Variants in AQR observed in about 807,000 individuals in gnomAD.
The protein encoded by AQR is RNA helicase aquarius.
AQR carries 61 observed loss-of-function variants against 180.5 expected under a neutral mutation model. The ratio of observed to expected loss-of-function variants is 0.34; its 90% CI spans 0.28 to 0.42. The LOEUF is 0.42. Ranked by LOEUF, AQR falls within the 10% of genes least tolerant of loss-of-function variation. AQR has a pLI of 1.00. For missense variants in AQR, 1,281 were observed against 1,798.3 expected, an observed-to-expected ratio of 0.71 and a Z score of 5.20; for synonymous variants, 551 against 588.8, an observed-to-expected ratio of 0.94 and a Z score of 0.93.
chr15:34,897,992 C>T (rs1363898134), intron 20 of AQR, among the ~76,000 whole-genome samples: 7 of 152,210 alleles, frequency 4.6e-5, no homozygotes, highest in Non-Finnish European at 1.0e-4. Context: ...TATTCATTGT[C>T]TGTCCTTCAT....
intron 30 of AQR, 72 bp from the exon 31 acceptor site, chr15:34,870,994 C>G (rs2140461598): frequency 6.8e-7 from 1 of 1,476,534 alleles, no homozygotes; most frequent in African/African-American, 1.4e-5. Context: ...AATATCTCAT[C>G]TAGATAAGCA....
At chr15:34,964,050 GTTTCTATGTCTTCCAAA>G (rs1253708643) in intron 2 of AQR, among the ~76,000 whole-genome samples, 167 bp downstream of exon 2, 10 of 152,216 alleles carry the variant, frequency 6.6e-5, no homozygotes, top group Admixed American at 1.3e-4. Context: ...CTTATGTGTA[GTTTCTATGTCTTCCAAA>G]TTTCCTAACA....
intron 22 of AQR, among the ~76,000 whole-genome samples, chr15:34,895,119 G>A (rs1258825301): frequency 1.6e-5 from 2 of 122,018 alleles, no homozygotes; most frequent in Non-Finnish European, 3.2e-5. Flanking sequence ...CTAAGATGGT[G>A]CCACTACACT....
chr15:34,892,437 GA>G (rs1893164421), intron 23 of AQR, among the ~76,000 whole-genome samples: 1 of 152,092 alleles, frequency 6.6e-6, no homozygotes, highest in South Asian at 2.1e-4. Flanking sequence ...AGTGTAGAAG[GA>G]AAAAATAGCA....
In AQR at chr15:34,938,727, A is replaced by C; in HGVS notation, c.718+10T>G. 6.9e-7 allele frequency: 1 copy of C among 1,445,686 alleles called. No homozygotes were observed. The highest frequency in any genetic ancestry group is 1.2e-5 in the South Asian group (1 of 84,730). 89.6% of individuals were successfully genotyped at this position (1,445,686 alleles called of 1,614,324 possible). ...AATTTCACAAATGCACTGAGTAAAA[A>C]AGAAGATACCAGAAAGTGGGACTGA... On this transcript the variant is annotated intron_variant, in intron 9 of 34. Coordinates refer to ENST00000156471, the MANE Select transcript of AQR (RefSeq NM_014691.3).
chr15:34,952,028 T>C (rs570315981), intron 4 of AQR, among the ~76,000 whole-genome samples: 1 of 152,344 alleles, frequency 6.6e-6, no homozygotes, highest in African/African-American at 2.4e-5. Flanking sequence ...ATAATAAATT[T>C]CAATTTCCCT....
At position 34,915,188 on chromosome 15, in the gene AQR, G is replaced by GA. The variant is rs766778287; in HGVS notation, c.1343-10dup. 2 of 1,561,114 alleles carry GA rather than the reference G, an allele frequency of 1.3e-6. No individual in the cohort carries two copies. The highest frequency in any genetic ancestry group is 1.7e-6 in the Non-Finnish European group (2 of 1,161,794). On this transcript the variant is annotated splice_polypyrimidine_tract_variant and intron_variant, in intron 15 of 34. Coordinates refer to ENST00000156471, the MANE Select transcript of AQR (RefSeq NM_014691.3). ...GGGAAGAGCAAGACAACCTGAAAAG[G>GA]AAAAAAACATCCATATTTCAATTTT...
At chr15:34,862,131 T>G (rs566101920) in intron 33 of AQR, among the ~76,000 whole-genome samples, 1 of 152,252 alleles carries the variant, frequency 6.6e-6, no homozygotes, top group South Asian at 2.1e-4. Flanking sequence ...GAAGGGGAGA[T>G]AAGAGGGAGT....
intron 11 of AQR, among the ~76,000 whole-genome samples, chr15:34,931,815 T>TAAACA (rs1446941779): frequency 3.9e-5 from 6 of 152,066 alleles, no homozygotes; most frequent in Admixed American, 2.6e-4. Flanking sequence ...TGTGTCTCCA[T>TAAACA]AAACAAAACA....
intron 8 of AQR, among the ~76,000 whole-genome samples, chr15:34,940,625 G>C (rs1894009181): frequency 6.6e-6 from 1 of 152,172 alleles, no homozygotes; most frequent in Non-Finnish European, 1.5e-5. Context: ...CCATCCATGA[G>C]GGAGACGGAC....
chr15:34,897,234 T>A (rs1042781852), intron 21 of AQR, among the ~76,000 whole-genome samples: 10 of 152,176 alleles, frequency 6.6e-5, no homozygotes, highest in Non-Finnish European at 1.0e-4. Flanking sequence ...ATAATGCCAA[T>A]TTACTAGTTA....
chr15:34,919,389 C>T lies in AQR; in HGVS notation c.1221+943G>A, dbSNP rs563871959. Among the ~76,000 whole-genome samples, 4 of 152,050 alleles carry T rather than the reference C, an allele frequency of 2.6e-5. No homozygotes were observed. The South Asian group carries it at 8.3e-4, about 32-fold the overall frequency. On this transcript the variant is annotated intron_variant, in intron 14 of 34. Transcript: ENST00000156471. ...TATCTAAACAATATGTATGTTTTAACTTTTTGATCATAAATTGAATAGTAG... is the reference window on the plus strand; with the variant it reads ...TATCTAAACAATATGTATGTTTTAATTTTTTGATCATAAATTGAATAGTAG...
chr15:34,867,236 G>A (rs768924013), intron 32 of AQR, among the ~76,000 whole-genome samples: 1 of 152,104 alleles, frequency 6.6e-6, no homozygotes, highest in South Asian at 2.1e-4. Flanking sequence ...CTGATATTAA[G>A]TTTCTAACAG....
chr15:34,961,208 T>C (rs1394807701), intron 2 of AQR, among the ~76,000 whole-genome samples: 1 of 152,112 alleles, frequency 6.6e-6, no homozygotes, highest in Non-Finnish European at 1.5e-5. Flanking sequence ...TGTGAAGACA[T>C]AACAGACACA....
rs1021439237 is a variant in AQR, at chr15:34,932,350, G to A, written c.868C>T (p.Arg290Cys). 3.1e-5 allele frequency: 50 copies of A among 1,613,438 alleles called. No homozygotes were observed. The highest frequency in any genetic ancestry group is 3.9e-5 in the Non-Finnish European group (46 of 1,179,626). ...LVHCYLSNLV[R>C]REEDGHLFSQ... ...AAAAGATGGCCATCCTCTTCTCTAC[G>A]AACAAGATTGGAAAGGTAACAGTGA... Residue 290 changes from arginine to cysteine, a missense_variant, in exon 11 of 35, where the codon CGT (arginine) becomes TGT (cysteine). Arg to Cys is a radical substitution (Grantham distance 180). Coordinates refer to ENST00000156471, the MANE Select transcript of AQR (RefSeq NM_014691.3).
intron 32 of AQR, among the ~76,000 whole-genome samples, chr15:34,866,881 T>C (rs1595780618): frequency 6.6e-6 from 1 of 152,124 alleles, no homozygotes; most frequent in Non-Finnish European, 1.5e-5. Flanking sequence ...AATGACAACA[T>C]TATGAGAGCT....
chr15:34,905,196 T>C (rs2140478447), intron 18 of AQR, among the ~76,000 whole-genome samples: 1 of 152,058 alleles, frequency 6.6e-6, no homozygotes, highest in East Asian at 1.9e-4. Context: ...TTCTCCTATT[T>C]CCTCTCATTC....
chr15:34,857,122 AAAAC>A lies in AQR; in HGVS notation c.4144-20_4144-17del, dbSNP rs756556527. On this transcript the variant is annotated splice_polypyrimidine_tract_variant and intron_variant, in intron 34 of 34. Coordinates refer to ENST00000156471, the MANE Select transcript of AQR (RefSeq NM_014691.3). The stretch of plus-strand genomic sequence containing the variant: ...GTAATAAAGTCTAATTAAAAAAAAA[AAAAC>A]AAAGACAATACCAATATGAAAAACA... 5 of 1,536,330 alleles carry A rather than the reference AAAAC, an allele frequency of 3.3e-6. No individual in the cohort carries two copies. The highest frequency in any genetic ancestry group is 2.5e-5 in the South Asian group (2 of 78,602).
chr15:34,956,608 C>T (rs1216213047), intron 3 of AQR, among the ~76,000 whole-genome samples: 19 of 149,604 alleles, frequency 1.3e-4, no homozygotes, highest in South Asian at 4.3e-4. Flanking sequence ...GCTGAGATTG[C>T]GCCACTGCAC....
Sources: gnomAD v4.1 joint callset for allele counts (sites outside exome capture counted in the v4.1 genomes callset) on GRCh38, gnomAD v4.1.1 for gene constraint, MANE v1.5 for transcripts, NCBI Gene and HGNC (gene_info 2026-07-23, HGNC 2026-07-21) for gene names.